The following RPGRIP1L variants were observed in gnomAD, a reference collection of about 807,000 sequenced individuals.
RPGRIP1L encodes the protein protein fantom.
In RPGRIP1L, 131 loss-of-function variants were observed where a neutral mutation model predicts 160.4. The ratio of observed to expected loss-of-function variants is 0.82; its 90% CI spans 0.71 to 0.94. The LOEUF (loss-of-function observed/expected upper bound fraction) is 0.94, where lower values mean the gene tolerates loss of function less well. Ranked by LOEUF, RPGRIP1L falls within the 40% of genes least tolerant of loss-of-function variation. RPGRIP1L has a pLI of 0.00. For synonymous variants in RPGRIP1L, 510 were observed against 515.8 expected (o/e 0.99, Z 0.15); for missense variants, 1,522 against 1,535.8 (o/e 0.99, Z 0.15).
chr16:53,698,047 G>A (rs541754797), intron 2 of RPGRIP1L, among the ~76,000 whole-genome samples: 45 of 151,740 alleles, frequency 3.0e-4, no homozygotes, highest in African/African-American at 1.0e-3. Context: ...GCCTCTGCCC[G>A]GCCGCAACCC....
intron 8 of RPGRIP1L, among the ~76,000 whole-genome samples, chr16:53,672,133 T>C (rs958988968): frequency 1.1e-4 from 17 of 152,152 alleles, no homozygotes; most frequent in Non-Finnish European, 7.4e-5. Context: ...TTTTAGCCCA[T>C]GAACAGTATT....
rs1966207157 is a variant in RPGRIP1L, at chr16:53,641,342, T to C, written c.2817A>G (p.Glu939=). ...GAAGTCTTTGAACAACTTCTGGCTCTTCGCTGCGAATGAAATTTCCTAAGT... is the reference window on the plus strand; with the variant it reads ...GAAGTCTTTGAACAACTTCTGGCTCCTCGCTGCGAATGAAATTTCCTAAGT... ...TEDLGNFIRS[E]EPEVVQRLPP... is the part of the protein sequence containing the mutation. The change falls in exon 18 of 27, where the codon GAA becomes GAG. Residue 939 remains glutamate (E), a synonymous_variant. Transcript: ENST00000647211. 1 of 1,614,010 alleles carries C rather than the reference T, an allele frequency of 6.2e-7. No individual in the cohort carries two copies. The highest frequency in any genetic ancestry group is 8.5e-7 in the Non-Finnish European group (1 of 1,179,996).
At chr16:53,696,064 G>A in intron 3 of RPGRIP1L, 87 bp downstream of exon 3, 1 of 1,250,560 alleles carries the variant, frequency 8.0e-7, no homozygotes. Flanking sequence ...AAGATTCAAG[G>A]TGGGGTATTC....
intron 10 of RPGRIP1L, among the ~76,000 whole-genome samples, chr16:53,663,862 C>T (rs189295997): frequency 8.9e-4 from 135 of 152,146 alleles, no homozygotes; most frequent in African/African-American, 3.2e-3. Flanking sequence ...TTAAAAATGC[C>T]ATCACTTATA....
At chr16:53,702,709 G>T (rs1448572111) in intron 1 of RPGRIP1L, among the ~76,000 whole-genome samples, 7 of 149,828 alleles carry the variant, frequency 4.7e-5, no homozygotes, top group Non-Finnish European at 7.4e-5. Context: ...TTTGAGACAG[G>T]GTCTTGCTAT....
At chr16:53,689,382 C>A (rs970847636) in intron 4 of RPGRIP1L, among the ~76,000 whole-genome samples, 2 of 152,084 alleles carry the variant, frequency 1.3e-5, no homozygotes, top group Non-Finnish European at 2.9e-5. Flanking sequence ...CATTAACCAA[C>A]CTCCTTTCAT....
intron 24 of RPGRIP1L, among the ~76,000 whole-genome samples, chr16:53,617,812 G>A (rs781330798): frequency 3.9e-5 from 6 of 152,138 alleles, no homozygotes; most frequent in Non-Finnish European, 7.3e-5. Flanking sequence ...AAAGGTAACT[G>A]TGAGCATTTG....
chr16:53,645,352 G>C (rs979343923), intron 17 of RPGRIP1L, among the ~76,000 whole-genome samples: 1 of 151,662 alleles, frequency 6.6e-6, no homozygotes, highest in Non-Finnish European at 1.5e-5. Flanking sequence ...AATTATATTA[G>C]ATTTTCTATA....
At position 53,652,524 on chromosome 16, in the gene RPGRIP1L, A is replaced by G. The variant is rs1966874927; in HGVS notation, c.2152+11T>C. 2 of 1,604,134 alleles carry G rather than the reference A, an allele frequency of 1.2e-6. No individual in the cohort carries two copies. Among genetic ancestry groups the G allele is most frequent in the East Asian group, 2.2e-5 (1 of 44,808 alleles). On this transcript the variant is annotated intron_variant, in intron 15 of 26. Coordinates refer to ENST00000647211, the MANE Select transcript of RPGRIP1L (RefSeq NM_015272.5). ...TAATTCAAACACCCAAGGCTTATAC[A>G]TTGTACTTACCAATCAAACTTGCTG... is the stretch of plus-strand genomic sequence containing the variant.
At position 53,649,062 on chromosome 16, in the gene RPGRIP1L, T is replaced by C. The variant is rs1354385640; in HGVS notation, c.2206A>G (p.Arg736Gly). 5 of 1,614,096 alleles carry C rather than the reference T, an allele frequency of 3.1e-6. No individual in the cohort carries two copies. Among genetic ancestry groups the C allele is most frequent in the Non-Finnish European group, 4.2e-6 (5 of 1,179,940 alleles). ...CGAATTGCTTGATCCATGGGAACTCTTAATCGGAACCAGTATTCCACTGTG... is the reference window on the plus strand; with the variant it reads ...CGAATTGCTTGATCCATGGGAACTCCTAATCGGAACCAGTATTCCACTGTG... Reference protein sequence around the residue: ...FGTVEYWFRLRVPMDQAIRLY... With the variant: ...FGTVEYWFRLGVPMDQAIRLY... The change falls in exon 16 of 27, where the codon AGA becomes GGA. Residue 736 changes from arginine (R) to glycine (G), a missense_variant. By Grantham distance (125) the Arg-to-Gly change is moderately radical. Transcript: ENST00000647211.
chr16:53,696,223 C>G lies in RPGRIP1L; in HGVS notation c.158G>C (p.Arg53Thr). ...SRVSREELED[R>T]FLRLHDENIL... Reference sequence around the variant, plus strand: ...GTTCTCATCATGCAAACGCAAAAATCTGTCTTCCAGTTCCTCACGACTGAC... The same window carrying G: ...GTTCTCATCATGCAAACGCAAAAATGTGTCTTCCAGTTCCTCACGACTGAC... Residue 53 changes from arginine to threonine, a missense_variant, in exon 3 of 27, where the codon AGA (arginine) becomes ACA (threonine). Transcript: ENST00000647211. 6.2e-7 allele frequency: 1 copy of G among 1,614,086 alleles called. No homozygotes were observed. The highest frequency in any genetic ancestry group is 8.5e-7 in the Non-Finnish European group (1 of 1,179,988).
At chr16:53,697,707 C>CT (rs1970900536) in intron 2 of RPGRIP1L, among the ~76,000 whole-genome samples, 1 of 151,988 alleles carries the variant, frequency 6.6e-6, no homozygotes, top group Non-Finnish European at 1.5e-5. Flanking sequence ...GATCTCGGCT[C>CT]GCTACAACCT....
rs532124076 is a variant in RPGRIP1L at position 53,623,212 on chromosome 16, A to G, written c.3295-856T>C. On this transcript the variant is annotated intron_variant, in intron 22 of 26. Transcript: ENST00000647211. ...CTAGTTATCAGAAGGTAGCAATTTG[A>G]CAGAACAAGGAGGGAGAAAATAGAA... is the stretch of plus-strand genomic sequence containing the variant. Among the ~76,000 whole-genome samples, 5 of 152,320 alleles carry G rather than the reference A, an allele frequency of 3.3e-5. No homozygotes were observed. The South Asian group carries it at 8.3e-4, about 25-fold the overall frequency.
chr16:53,665,075 A>G, intron 9 of RPGRIP1L, 66 bp from the exon 10 acceptor site: 2 of 1,594,040 alleles, frequency 1.3e-6, no homozygotes, highest in Non-Finnish European at 1.7e-6. Context: ...TAATAAAGAG[A>G]AAAGCTTTTA....
intron 24 of RPGRIP1L, among the ~76,000 whole-genome samples, chr16:53,618,391 T>C (rs1040107155): frequency 2.6e-5 from 4 of 152,206 alleles, no homozygotes; most frequent in African/African-American, 9.6e-5. Flanking sequence ...AATGACTTCT[T>C]TGAAAGATAT....
At chr16:53,658,330 T>C in intron 12 of RPGRIP1L, 84 bp downstream of exon 12, 2 of 977,740 alleles carry the variant, frequency 2.0e-6, no homozygotes, top group Non-Finnish European at 3.3e-6. Context: ...ATTCTCCAAA[T>C]GTAAGGGTTA....
chr16:53,679,021 T>C (rs1313685840), intron 6 of RPGRIP1L, among the ~76,000 whole-genome samples: 1 of 152,196 alleles, frequency 6.6e-6, no homozygotes, highest in Admixed American at 6.5e-5. Flanking sequence ...AAAGTCTATT[T>C]GAAAGATAAT....
Position 53,625,377 on chromosome 16 carries a change from C to T in RPGRIP1L, c.3295-3021G>A, listed in dbSNP as rs372098914. 7.9e-5 allele frequency among the ~76,000 whole-genome samples: 12 copies of T among 151,220 alleles called. 1 individual carries two copies. Among genetic ancestry groups the T allele is most frequent in the Middle Eastern group, 6.9e-3 (2 of 290 alleles). On this transcript the variant is annotated intron_variant, in intron 22 of 26. Coordinates refer to ENST00000647211, the MANE Select transcript of RPGRIP1L (RefSeq NM_015272.5). ...GAGCGCCTCCGCCCGGCCGCCACCCCGTCTGGGAACTGGGGGGGGCGCCTC... is the reference window on the plus strand; with the variant it reads ...GAGCGCCTCCGCCCGGCCGCCACCCTGTCTGGGAACTGGGGGGGGCGCCTC...
At chr16:53,702,745 T>A (rs552818868) in intron 1 of RPGRIP1L, among the ~76,000 whole-genome samples, 1 of 151,564 alleles carries the variant, frequency 6.6e-6, no homozygotes, top group Non-Finnish European at 1.5e-5. Flanking sequence ...CTTGAATTCA[T>A]GGGTTCAAGT....
Sources: allele counts gnomAD v4.1 joint callset (sites outside exome capture counted in the v4.1 genomes callset), GRCh38; gene constraint gnomAD v4.1.1; transcripts MANE v1.5; gene names NCBI Gene and HGNC (gene_info 2026-07-23, HGNC 2026-07-21).